Variants in EFNA5 observed in about 807,000 individuals in gnomAD.
The protein encoded by EFNA5 is ephrin-A5.
A neutral mutation model predicts 22.9 loss-of-function variants in EFNA5; 5 were observed. The observed-to-expected ratio is 0.22, with a 90% CI of 0.11 to 0.46. The LOEUF is 0.46. Among genes scored for constraint, EFNA5 ranks in the 20% least tolerant of loss-of-function variants. EFNA5 has a pLI of 0.99. For synonymous variants in EFNA5, 113 were observed against 112.2 expected, an observed-to-expected ratio of 1.01 and a Z score of -0.04; for missense variants, 237 against 293.3, an observed-to-expected ratio of 0.81 and a Z score of 1.40.
intron 1 of EFNA5, among the ~76,000 whole-genome samples, chr5:107,576,326 A>C (rs1435398804): frequency 6.6e-6 from 1 of 152,220 alleles, no homozygotes; most frequent in Non-Finnish European, 1.5e-5. Flanking sequence ...GCTTAAGGAA[A>C]TGAGCTAATA....
At chr5:107,468,570 A>C (rs1750055824) in intron 1 of EFNA5, among the ~76,000 whole-genome samples, 1 of 152,176 alleles carries the variant, frequency 6.6e-6, no homozygotes, top group Admixed American at 6.6e-5. Flanking sequence ...GTGCTTTTGA[A>C]ATCTTCCAGG....
At chr5:107,569,140 G>A (rs920775606) in intron 1 of EFNA5, among the ~76,000 whole-genome samples, 7 of 151,866 alleles carry the variant, frequency 4.6e-5, no homozygotes, top group Non-Finnish European at 1.0e-4. Context: ...AGAGATCCAG[G>A]AAACAAGAAT....
intron 1 of EFNA5, among the ~76,000 whole-genome samples, chr5:107,658,005 C>G (rs933276840): frequency 1.3e-5 from 2 of 152,038 alleles, no homozygotes; most frequent in Non-Finnish European, 2.9e-5. Flanking sequence ...CTTATATTAC[C>G]TAGACTCTAC....
chr5:107,522,835 A>G (rs1747624140), intron 1 of EFNA5, among the ~76,000 whole-genome samples: 1 of 152,114 alleles, frequency 6.6e-6, no homozygotes, highest in African/African-American at 2.4e-5. Context: ...TTTTTATTCA[A>G]ACTCATCACA....
chr5:107,664,391 TCTC>T, intron 1 of EFNA5, among the ~76,000 whole-genome samples: 1 of 152,256 alleles, frequency 6.6e-6, no homozygotes. Context: ...AGGAAATAAA[TCTC>T]CTAGTAGTGA....
chr5:107,575,284 T>C (rs937199688), intron 1 of EFNA5, among the ~76,000 whole-genome samples: 1 of 152,160 alleles, frequency 6.6e-6, no homozygotes, highest in African/African-American at 2.4e-5. Context: ...AGACTGACCT[T>C]AGTAACACTT....
chr5:107,563,878 A>G (rs1354985892), intron 1 of EFNA5, among the ~76,000 whole-genome samples: 1 of 152,166 alleles, frequency 6.6e-6, no homozygotes, highest in Non-Finnish European at 1.5e-5. Flanking sequence ...CTAAAGTGCA[A>G]TTCTCAATTC....
At chr5:107,540,491 T>C (rs781751694) in intron 1 of EFNA5, among the ~76,000 whole-genome samples, 6 of 152,156 alleles carry the variant, frequency 3.9e-5, no homozygotes, top group Non-Finnish European at 8.8e-5. Flanking sequence ...ATGAAAACAG[T>C]ATGGCAAAAA....
chr5:107,473,683 G>A lies in EFNA5; in HGVS notation c.126-46174C>T, dbSNP rs1036525531. ...AATTTTTTTTTTTTTTTTTGAGACA[G>A]AGTTTCGCTCTTGTTGCCCAAGCTG... On this transcript the variant is annotated intron_variant, in intron 1 of 4. Coordinates refer to ENST00000333274, the MANE Select transcript of EFNA5 (RefSeq NM_001962.3). 6.2e-5 allele frequency among the ~76,000 whole-genome samples: 9 copies of A among 145,038 alleles called. No homozygotes were observed. The Admixed American group carries it at 6.3e-4, about 10-fold the overall frequency.
intron 1 of EFNA5, among the ~76,000 whole-genome samples, chr5:107,464,905 TTCGCAGCCATCCC>T (rs1419599785): frequency 6.6e-6 from 1 of 152,198 alleles, no homozygotes; most frequent in African/African-American, 2.4e-5. Flanking sequence ...AGAGACTATG[TTCGCAGCCATCCC>T]TCTGCCTGAA....
At chr5:107,661,472 C>T (rs1750959518) in intron 1 of EFNA5, among the ~76,000 whole-genome samples, 1 of 152,202 alleles carries the variant, frequency 6.6e-6, no homozygotes, top group Admixed American at 6.5e-5. Flanking sequence ...CATCCTGCTA[C>T]GATGGTGGCT....
At chr5:107,521,822 C>T (rs894905145) in intron 1 of EFNA5, among the ~76,000 whole-genome samples, 15 of 152,110 alleles carry the variant, frequency 9.9e-5, no homozygotes, top group African/African-American at 3.1e-4. Flanking sequence ...TATTGTATGT[C>T]TTTTTTTCTT....
At chr5:107,626,932 G>A (rs940261680) in intron 1 of EFNA5, among the ~76,000 whole-genome samples, 1 of 152,050 alleles carries the variant, frequency 6.6e-6, no homozygotes, top group Non-Finnish European at 1.5e-5. Flanking sequence ...CCAAAGCTGT[G>A]GAACTAACTC....
chr5:107,546,653 C>T (rs1748163764), intron 1 of EFNA5, among the ~76,000 whole-genome samples: 1 of 106,628 alleles, frequency 9.4e-6, no homozygotes, highest in African/African-American at 4.2e-5. Flanking sequence ...GTGCGTAAAA[C>T]ACACACACAC....
intron 1 of EFNA5, among the ~76,000 whole-genome samples, chr5:107,563,471 C>T (rs1374738377): frequency 6.6e-6 from 1 of 152,066 alleles, no homozygotes; most frequent in African/African-American, 2.4e-5. Context: ...GGGCCTCATT[C>T]TTTTGCCTGA....
At chr5:107,507,196 C>G (rs1747271249) in intron 1 of EFNA5, among the ~76,000 whole-genome samples, 1 of 152,130 alleles carries the variant, frequency 6.6e-6, no homozygotes, top group Non-Finnish European at 1.5e-5. Context: ...AATCCCACAG[C>G]ATTTTAGAGA....
intron 1 of EFNA5, among the ~76,000 whole-genome samples, chr5:107,436,882 C>T (rs1158643636): frequency 6.6e-6 from 1 of 152,016 alleles, no homozygotes; most frequent in Non-Finnish European, 1.5e-5. Context: ...GGAGAGTTAC[C>T]CAGCAGAATT....
At chr5:107,460,540 G>A (rs1749810535) in intron 1 of EFNA5, among the ~76,000 whole-genome samples, 1 of 152,146 alleles carries the variant, frequency 6.6e-6, no homozygotes, top group Admixed American at 6.6e-5. Context: ...AGTGAGTAAA[G>A]CCTCTTTCTT....
intron 2 of EFNA5, among the ~76,000 whole-genome samples, chr5:107,402,718 C>G (rs1748118065): frequency 6.6e-6 from 1 of 152,154 alleles, no homozygotes; most frequent in African/African-American, 2.4e-5. Context: ...ATTTATTATA[C>G]TGATACATTT....
Sources: allele counts gnomAD v4.1 joint callset (sites outside exome capture counted in the v4.1 genomes callset), GRCh38; gene constraint gnomAD v4.1.1; transcripts MANE v1.5; gene names NCBI Gene and HGNC (gene_info 2026-07-23, HGNC 2026-07-21).